ZNF285: variants seen among roughly 807,000 people sequenced by gnomAD.
ZNF285 encodes zinc finger protein 285, also known as zinc finger protein 285A.
In ZNF285, 4 loss-of-function variants were observed where a neutral mutation model predicts 6.2. The ratio of observed to expected loss-of-function variants is 0.65; its 90% CI spans 0.32 to 1.49. The LOEUF (loss-of-function observed/expected upper bound fraction) is 1.49. Among genes scored for constraint, ZNF285 ranks in the 40% most tolerant of loss-of-function variants. The pLI, the probability that ZNF285 is intolerant of heterozygous loss-of-function variation, is 0.07. For synonymous variants in ZNF285, 240 were observed against 245.8 expected, an observed-to-expected ratio of 0.98 and a Z score of 0.22; for missense variants, 695 against 708.8, an observed-to-expected ratio of 0.98 and a Z score of 0.22.
chr19:44,395,902 C>A (rs959671357), intron 2 of ZNF285, among the ~76,000 whole-genome samples: 7 of 152,078 alleles, frequency 4.6e-5, no homozygotes, highest in Admixed American at 6.5e-5. Context: ...AGAGTGCTAC[C>A]AAATATCCAT....
intron 3 of ZNF285, among the ~76,000 whole-genome samples, chr19:44,389,476 A>C (rs1301579639): frequency 6.6e-6 from 1 of 152,190 alleles, no homozygotes; most frequent in Non-Finnish European, 1.5e-5. Flanking sequence ...AACCCACAGT[A>C]AAATCAGCAT....
In ZNF285 at chr19:44,387,480, T is replaced by C; in HGVS notation, c.765A>G (p.Leu255=). The C allele has an allele frequency of 3.1e-6, 5 of 1,614,058 alleles. No individual in the cohort carries two copies. Among genetic ancestry groups the C allele is most frequent in the Non-Finnish European group, 3.4e-6 (4 of 1,179,934 alleles). ...GGTCACATTTATAAGATTTTTCTCC[T>C]AGGTGAGTGCTGTGATGGACATGAG... ...TDPHVHHSTH[L]GEKSYKCDQY... The change falls in exon 4 of 4, where the codon CTA becomes CTG. Residue 255 remains leucine (L), a synonymous_variant. Coordinates refer to ENST00000614994, the MANE Select transcript of ZNF285 (RefSeq NM_152354.6).
intron 3 of ZNF285, among the ~76,000 whole-genome samples, chr19:44,390,832 T>C (rs543024773): frequency 8.1e-4 from 123 of 152,186 alleles, no homozygotes; most frequent in African/African-American, 2.9e-3. Flanking sequence ...TGATAGTGAA[T>C]GAGTCTCATG....
chr19:44,389,157 C>T (rs1971150723), intron 3 of ZNF285, among the ~76,000 whole-genome samples: 1 of 151,544 alleles, frequency 6.6e-6, no homozygotes, highest in Non-Finnish European at 1.5e-5. Context: ...ACAGCCATGA[C>T]TATGAAAATG....
chr19:44,399,124 G>T (rs28696788), intron 1 of ZNF285, among the ~76,000 whole-genome samples: 59,096 of 149,816 alleles, frequency 0.39, 15,645 homozygotes, highest in East Asian at 0.74. Flanking sequence ...ACTGGTCTGT[G>T]GGCTACCCTT....
Position 44,387,372 on chromosome 19 carries a change from G to A in ZNF285, c.873C>T (p.His291=), listed in dbSNP as rs753138643. ...TCTGTTTGCAGCCCATAGGCCATTC[G>A]TGGAATTCATAGGGAGTCTTGCCAG... ...THSGKTPYEF[H]EWPMGCKQSS... Residue 291 remains histidine (H), a synonymous_variant, in exon 4 of 4, where the codon CAC becomes CAT. Coordinates refer to ENST00000614994, the MANE Select transcript of ZNF285 (RefSeq NM_152354.6). 1.3e-5 allele frequency: 21 copies of A among 1,614,134 alleles called. No homozygotes were observed. Among genetic ancestry groups the A allele is most frequent in the Middle Eastern group, 3.3e-4 (2 of 6,062 alleles).
At position 44,386,368 on chromosome 19, in the gene ZNF285, C is replaced by T. The variant is rs1971069476; in HGVS notation, c.*104G>A. On this transcript the variant is annotated 3_prime_UTR_variant, in exon 4 of 4. Coordinates refer to ENST00000614994, the MANE Select transcript of ZNF285 (RefSeq NM_152354.6). The stretch of plus-strand genomic sequence containing the variant: ...AGGCTGACATTATCGATGGCAGTGT[C>T]CCTGTCTTTTGCTCCCCTAGCCCTC... 1.6e-6 allele frequency: 2 copies of T among 1,220,184 alleles called. No homozygotes were observed. The highest frequency in any genetic ancestry group is 3.0e-5 in the African/African-American group (2 of 66,052). 75.6% of individuals were successfully genotyped at this position (1,220,184 alleles called of 1,614,324 possible). A position where few individuals can be genotyped will look rare whatever the true frequency, so the allele number is the denominator to read the frequency against.
chr19:44,395,375 A>C (rs1272806121), intron 2 of ZNF285, among the ~76,000 whole-genome samples: 2 of 152,120 alleles, frequency 1.3e-5, no homozygotes, highest in African/African-American at 4.8e-5. Context: ...AGGACACCAA[A>C]CTTGGTTTCT....
intron 2 of ZNF285, 151 bp from the exon 3 acceptor site, chr19:44,392,617 A>C (rs2123276940): frequency 7.1e-7 from 1 of 1,413,360 alleles, no homozygotes; most frequent in South Asian, 1.2e-5. Context: ...GTCTAAGATC[A>C]AGTACCACCA....
At chr19:44,392,944 T>C (rs960235015) in intron 2 of ZNF285, among the ~76,000 whole-genome samples, 10 of 152,148 alleles carry the variant, frequency 6.6e-5, no homozygotes, top group Non-Finnish European at 1.5e-4. Context: ...ATTTGTATTA[T>C]GTTAAAAGGA....
rs576516842 is a variant in ZNF285 at position 44,401,595 on chromosome 19, A to C, written c.-71T>G. ...CAGCGTCCCAAACAATGTCGCCCGC[A>C]GCGTGCGTCCAGTACCATGGCGCAT... On this transcript the variant is annotated 5_prime_UTR_variant, in exon 1 of 4. Transcript: ENST00000614994. 5.9e-5 allele frequency: 9 copies of C among 152,366 alleles called. No individual in the cohort carries two copies. In the East Asian group the frequency reaches 1.7e-3, roughly 29 times the overall value. 9.4% of individuals were successfully genotyped at this position (152,366 alleles called of 1,614,324 possible).
chr19:44,397,016 G>A, intron 2 of ZNF285, 183 bp downstream of exon 2: 3 of 782,444 alleles, frequency 3.8e-6, no homozygotes, highest in Non-Finnish European at 6.1e-6. Context: ...TGAAATCTGT[G>A]AGTTTGTTTC....
intron 2 of ZNF285, among the ~76,000 whole-genome samples, chr19:44,393,148 G>A (rs1220189258): frequency 6.6e-6 from 1 of 152,132 alleles, no homozygotes; most frequent in Non-Finnish European, 1.5e-5. Flanking sequence ...ATTCTTAGGA[G>A]ATACAAACTG....
At chr19:44,400,605 G>C (rs113697444) in intron 1 of ZNF285, among the ~76,000 whole-genome samples, 12 of 151,996 alleles carry the variant, frequency 7.9e-5, no homozygotes, top group African/African-American at 2.7e-4. Flanking sequence ...GACAGAGTCT[G>C]GCTCTGTCGC....
At position 44,387,145 on chromosome 19, in the gene ZNF285, GTGTGTACTCCCTGA is replaced by G; in HGVS notation, c.1086_1099del (p.Gln363ArgfsTer6). 1 of 1,614,090 alleles carries G rather than the reference GTGTGTACTCCCTGA, an allele frequency of 6.2e-7. No individual in the cohort carries two copies. Among genetic ancestry groups the G allele is most frequent in the Non-Finnish European group, 8.5e-7 (1 of 1,180,008 alleles). ...TTCACATTTATAGGGCTTTTTCCCT[GTGTGTACTCCCTGA>G]TGAATACAAAGAAGTGACCTAAATC... On this transcript the variant is annotated frameshift_variant, in exon 4 of 4. Coordinates refer to ENST00000614994, the MANE Select transcript of ZNF285 (RefSeq NM_152354.6). LOFTEE classifies it low-confidence loss of function (END_TRUNC).
At chr19:44,398,465 T>C (rs1971321567) in intron 1 of ZNF285, among the ~76,000 whole-genome samples, 1 of 152,174 alleles carries the variant, frequency 6.6e-6, no homozygotes, top group African/African-American at 2.4e-5. Context: ...GGAATGGCTA[T>C]ATTCCATATC....
In ZNF285 at chr19:44,387,293, AT is replaced by A; in HGVS notation, c.951del (p.Lys317AsnfsTer247). ...QKVSSGDKPY[K>X]CKECGKGFRR... ...CTGAAGCCCTTGCCACATTCTTTAC[AT>A]TTGTAGGGTTTGTCTCCTGAGGAGA... On this transcript the variant is annotated frameshift_variant, in exon 4 of 4. Transcript: ENST00000614994. LOFTEE classifies it low-confidence loss of function (END_TRUNC). 6.2e-7 allele frequency: 1 copy of A among 1,614,092 alleles called. No individual in the cohort carries two copies.
intron 1 of ZNF285, among the ~76,000 whole-genome samples, chr19:44,398,038 A>G (rs1275889658): frequency 1.3e-5 from 2 of 152,122 alleles, no homozygotes; most frequent in Non-Finnish European, 2.9e-5. Context: ...TACAAATTAA[A>G]TCCCAATTTT....
chr19:44,397,151 T>G, intron 2 of ZNF285, 48 bp downstream of exon 2: 1 of 1,613,182 alleles, frequency 6.2e-7, no homozygotes, highest in Non-Finnish European at 8.5e-7. Flanking sequence ...AGTGTCTGGT[T>G]CCTCAGAATG....
Sources: gnomAD v4.1 joint callset for allele counts (sites outside exome capture counted in the v4.1 genomes callset) on GRCh38, gnomAD v4.1.1 for gene constraint, MANE v1.5 for transcripts, NCBI Gene and HGNC (gene_info 2026-07-23, HGNC 2026-07-21) for gene names.